The following CLYBL variants were observed in gnomAD, a reference collection of about 807,000 sequenced individuals.
CLYBL encodes citramalyl-CoA lyase.
A neutral mutation model predicts 38.9 loss-of-function variants in CLYBL; 31 were observed. That is an observed-to-expected ratio of 0.80 (90% confidence interval 0.60 to 1.08). The LOEUF is 1.08. Ranked by LOEUF, CLYBL falls within the 50% of genes least tolerant of loss-of-function variation. CLYBL has a pLI of 0.00. For synonymous variants in CLYBL, 171 were observed against 158.6 expected, an observed-to-expected ratio of 1.08 and a Z score of -0.59; for missense variants, 434 against 411.6, an observed-to-expected ratio of 1.05 and a Z score of -0.47.
chr13:99,762,348 G>A (rs79434565), intron 1 of CLYBL, among the ~76,000 whole-genome samples: 1 of 152,134 alleles, frequency 6.6e-6, no homozygotes, highest in Non-Finnish European at 1.5e-5. Context: ...TTTGTGTATG[G>A]TGAGAGATAG....
Position 99,891,390 on chromosome 13 carries a change from G to A in CLYBL, c.1000G>A (p.Ala334Thr), listed in dbSNP as rs986025790. ...GCAGGCCCAGAACACTGTTACGCTT[G>A]CCACCTCCATCAAGGAAAAATGATC... is the stretch of plus-strand genomic sequence containing the variant. ...LKQAQNTVTL[A>T]TSIKEK The change falls in exon 8 of 9, where the codon GCC (alanine) becomes ACC (threonine). Residue 334 changes from alanine to threonine, a missense_variant. By Grantham distance (58) the Ala-to-Thr change is moderately conservative. Transcript: ENST00000339105. 3.0e-5 allele frequency: 48 copies of A among 1,613,338 alleles called. No homozygotes were observed. Among genetic ancestry groups the A allele is most frequent in the Middle Eastern group, 3.3e-4 (2 of 6,084 alleles).
intron 7 of CLYBL, chr13:99,885,136 G>A (rs1229247217): frequency 5.7e-6 from 3 of 522,572 alleles, no homozygotes; most frequent in African/African-American, 3.9e-5. Context: ...CCCCACAGGG[G>A]CCTCACAGTG....
At chr13:99,782,813 A>G (rs1421094873) in intron 2 of CLYBL, among the ~76,000 whole-genome samples, 1 of 152,050 alleles carries the variant, frequency 6.6e-6, no homozygotes, top group East Asian at 1.9e-4. Context: ...CAATTCACAT[A>G]TGGCCTCTGT....
chr13:99,611,747 A>G (rs182930771), intron 1 of CLYBL, among the ~76,000 whole-genome samples: 2 of 152,188 alleles, frequency 1.3e-5, no homozygotes, highest in Non-Finnish European at 2.9e-5. Flanking sequence ...TTTGTGGAAA[A>G]AGTGTTAAAC....
downstream of CLYBL, chr13:99,893,224 GC>G (rs2052526462): frequency 6.6e-6 from 1 of 152,420 alleles, no homozygotes; most frequent in African/African-American, 2.4e-5. Flanking sequence ...CAACTTCAGA[GC>G]CGAATGGCCT....
In CLYBL at chr13:99,773,225, G is replaced by A. The variant is rs568520894; in HGVS notation, c.249+215G>A. ...CCACCAAAATATATTTTAAAATCAC[G>A]ACCTTCAGTAGATGAGACTATGTGT... On this transcript the variant is annotated intron_variant, in intron 2 of 8. Coordinates refer to ENST00000339105, the MANE Select transcript of CLYBL (RefSeq NM_206808.5). 7.9e-5 allele frequency among the ~76,000 whole-genome samples: 12 copies of A among 152,258 alleles called. 1 individual carries two copies. The South Asian group carries it at 2.5e-3, about 32-fold the overall frequency.
chr13:99,830,492 G>C (rs540573515), intron 2 of CLYBL, among the ~76,000 whole-genome samples: 1 of 152,200 alleles, frequency 6.6e-6, no homozygotes, highest in Non-Finnish European at 1.5e-5. Flanking sequence ...AGCAGTGTGG[G>C]TGCCCCTCAG....
rs58550861 is a variant in CLYBL, at chr13:99,785,191, CTTTTTTTTTTTTTTTTTTTT to C, written c.249+12196_249+12215del. Among the ~76,000 whole-genome samples, 5 of 34,210 alleles carry C rather than the reference CTTTTTTTTTTTTTTTTTTTT, an allele frequency of 1.5e-4. No homozygotes were observed. The East Asian group carries it at 6.7e-3, about 46-fold the overall frequency. 22.4% of individuals were successfully genotyped at this position (34,210 alleles called of 152,430 possible). On this transcript the variant is annotated intron_variant, in intron 2 of 8. Transcript: ENST00000339105. Reference sequence around the variant, plus strand: ...TACAGACTTGAGCCACCCCGCCTGGCTTTTTTTTTTTTTTTTTTTTTTTTTTTTTTTTTTAAAGACAGGGT... The same window carrying C: ...TACAGACTTGAGCCACCCCGCCTGGCTTTTTTTTTTTTTTAAAGACAGGGT...
chr13:99,793,194 G>A (rs1280092916), intron 2 of CLYBL, among the ~76,000 whole-genome samples: 2 of 152,174 alleles, frequency 1.3e-5, no homozygotes, highest in South Asian at 2.1e-4. Flanking sequence ...TAGTGGAGTG[G>A]CTAGGTGTAT....
intron 2 of CLYBL, among the ~76,000 whole-genome samples, chr13:99,774,082 A>T (rs78837099): frequency 6.9e-6 from 1 of 145,372 alleles, no homozygotes; most frequent in South Asian, 2.2e-4. Flanking sequence ...AAAAAAAAAA[A>T]TTTAGCCAGG....
intron 2 of CLYBL, among the ~76,000 whole-genome samples, chr13:99,820,186 G>A (rs2050560360): frequency 6.6e-6 from 1 of 152,154 alleles, no homozygotes; most frequent in Non-Finnish European, 1.5e-5. Context: ...TGAGCTCAGA[G>A]GTCAAAGGGC....
rs541491517 is a variant in CLYBL, at chr13:99,661,077, A to G, written c.62+54320A>G. Among the ~76,000 whole-genome samples, 15 of 152,332 alleles carry G rather than the reference A, an allele frequency of 9.8e-5. No homozygotes were observed. In the South Asian group the frequency reaches 2.9e-3, roughly 29 times the overall value. ...AAAATATGCTATTTTAATTGAAAAA[A>G]ATTTTTGACAAAACACATTTACACC... is the stretch of plus-strand genomic sequence containing the variant. On this transcript the variant is annotated intron_variant, in intron 1 of 8. Coordinates refer to ENST00000339105, the MANE Select transcript of CLYBL (RefSeq NM_206808.5).
chr13:99,797,349 A>G (rs947413375), intron 2 of CLYBL, among the ~76,000 whole-genome samples: 2 of 152,194 alleles, frequency 1.3e-5, no homozygotes, highest in African/African-American at 4.8e-5. Flanking sequence ...AGTTCCACTG[A>G]CATGAAAATA....
In CLYBL at chr13:99,713,684, C is replaced by CTGAT. The variant is rs931206459; in HGVS notation, c.63-59124_63-59121dup. Among the ~76,000 whole-genome samples, 114 of 150,784 alleles carry CTGAT rather than the reference C, an allele frequency of 7.6e-4. 2 individuals are homozygous for CTGAT. Among genetic ancestry groups the CTGAT allele is most frequent in the African/African-American group, 2.6e-3 (107 of 41,054 alleles). On this transcript the variant is annotated intron_variant, in intron 1 of 8. Coordinates refer to ENST00000339105, the MANE Select transcript of CLYBL (RefSeq NM_206808.5). Reference sequence around the variant, plus strand: ...AGCTTTTTCATGTTCTCTAATGTTTCTGATTGATTGATTGATTGAGAAAGG... The same window carrying CTGAT: ...AGCTTTTTCATGTTCTCTAATGTTTCTGATTGATTGATTGATTGATTGAGAAAGG...
chr13:99,892,254 C>T (rs1461316888), intron 8 of CLYBL, 189 bp from the exon 9 acceptor site: 2 of 152,220 alleles, frequency 1.3e-5, no homozygotes, highest in African/African-American at 4.8e-5. Flanking sequence ...ACACAATGCA[C>T]CCGAGCTGGT....
intron 1 of CLYBL, among the ~76,000 whole-genome samples, chr13:99,736,907 C>G (rs2048677087): frequency 6.6e-6 from 1 of 152,088 alleles, no homozygotes; most frequent in Non-Finnish European, 1.5e-5. Flanking sequence ...GGCTTAGGTG[C>G]CCAGTATCTA....
At chr13:99,725,334 C>T (rs148401582) in intron 1 of CLYBL, among the ~76,000 whole-genome samples, 1 of 152,216 alleles carries the variant, frequency 6.6e-6, no homozygotes, top group African/African-American at 2.4e-5. Context: ...CAGAAGCTCA[C>T]AGCTTGGGTA....
At chr13:99,799,663 G>A (rs1379092511) in intron 2 of CLYBL, among the ~76,000 whole-genome samples, 2 of 152,218 alleles carry the variant, frequency 1.3e-5, no homozygotes. Flanking sequence ...CTGGAGGAAG[G>A]TAATTGTGTT....
chr13:99,862,201 C>T (rs2051619290), intron 3 of CLYBL, among the ~76,000 whole-genome samples: 1 of 152,084 alleles, frequency 6.6e-6, no homozygotes, highest in African/African-American at 2.4e-5. Context: ...TACAAAAATA[C>T]CTTTATCATA....
Sources: allele counts gnomAD v4.1 joint callset (sites outside exome capture counted in the v4.1 genomes callset), GRCh38; gene constraint gnomAD v4.1.1; transcripts MANE v1.5; gene names NCBI Gene and HGNC (gene_info 2026-07-23, HGNC 2026-07-21).